The following KDM4C variants were observed in gnomAD, a reference collection of about 807,000 sequenced individuals.
KDM4C encodes lysine demethylase 4C, also known as lysine-specific demethylase 4C.
Under a neutral mutation model 129.3 loss-of-function variants are expected in KDM4C, and 81 were observed. That is an observed-to-expected ratio of 0.63 (90% confidence interval 0.52 to 0.75). The LOEUF (loss-of-function observed/expected upper bound fraction) is 0.75, where lower values mean the gene tolerates loss of function less well. Ranked by LOEUF, KDM4C falls within the 30% of genes least tolerant of loss-of-function variation. The probability of loss-of-function intolerance (pLI) is 0.00; values close to 1 mark genes in which losing one functional copy is unlikely to be tolerated. For synonymous variants in KDM4C, 573 were observed against 456.1 expected (o/e 1.26, Z -3.26); for missense variants, 1,457 against 1,304.0 (o/e 1.12, Z -1.81).
chr9:6,866,085 A>C (rs1310725077), intron 5 of KDM4C, among the ~76,000 whole-genome samples: 1 of 151,018 alleles, frequency 6.6e-6, no homozygotes, highest in East Asian at 2.0e-4. Context: ...GGGTTTCACC[A>C]TGTTGAACAG....
At position 7,060,337 on chromosome 9, in the gene KDM4C, A is replaced by G. The variant is rs192313421; in HGVS notation, c.2424+11137A>G. On this transcript the variant is annotated intron_variant, in intron 17 of 21. Coordinates refer to ENST00000381309, the MANE Select transcript of KDM4C (RefSeq NM_015061.6). The stretch of plus-strand genomic sequence containing the variant: ...GTTTATTGATTTCTAACTGCTTCCT[A>G]TGAATTTAATTTGAAACTGTTAACT... Among the ~76,000 whole-genome samples the G allele has an allele frequency of 2.6e-3, 387 of 151,556 alleles. 3 individuals carry two copies. In the South Asian group the frequency reaches 0.031, roughly 12 times the overall value.
At chr9:7,073,506 C>T (rs3898792) in intron 17 of KDM4C, among the ~76,000 whole-genome samples, 119,799 of 152,232 alleles carry the variant, frequency 0.79, 47,551 homozygotes, top group African/African-American at 0.88. Flanking sequence ...GGTAGCTTCC[C>T]GATATTCTCA....
rs1817286465 is a variant in KDM4C at position 6,984,247 on chromosome 9, G to A, written c.1197G>A (p.Glu399=). The A allele has an allele frequency of 1.2e-6, 2 of 1,613,888 alleles. No homozygotes were observed. The highest frequency in any genetic ancestry group is 1.3e-5 in the African/African-American group (1 of 74,930). The change falls in exon 10 of 22, where the codon GAG becomes GAA. Residue 399 remains glutamate, a synonymous_variant. Transcript: ENST00000381309. Reference sequence around the variant, plus strand: ...TGTCAGATGAAGTCGATGGGGCAGAGGTCCCTAACCCCGACTCAGTCACAG... The same window carrying A: ...TGTCAGATGAAGTCGATGGGGCAGAAGTCCCTAACCCCGACTCAGTCACAG... The part of the protein sequence containing the change: ...EEVSDEVDGA[E]VPNPDSVTDD...
intron 18 of KDM4C, among the ~76,000 whole-genome samples, chr9:7,124,282 A>C (rs1839806919): frequency 6.6e-6 from 1 of 152,208 alleles, no homozygotes; most frequent in Non-Finnish European, 1.5e-5. Context: ...CTAATATCAT[A>C]ATAAAATACA....
intron 8 of KDM4C, among the ~76,000 whole-genome samples, chr9:6,928,008 T>A (rs967051825): frequency 1.3e-5 from 2 of 152,226 alleles, no homozygotes; most frequent in African/African-American, 2.4e-5. Context: ...CCCACACCTT[T>A]ACACTGTTGG....
intron 8 of KDM4C, among the ~76,000 whole-genome samples, chr9:6,947,154 C>G (rs909955628): frequency 6.6e-6 from 1 of 152,162 alleles, no homozygotes; most frequent in Non-Finnish European, 1.5e-5. Flanking sequence ...TTTACATTCA[C>G]TTGCGCCAAA....
chr9:6,829,015 A>C (rs187188916), intron 4 of KDM4C, among the ~76,000 whole-genome samples: 11 of 152,340 alleles, frequency 7.2e-5, no homozygotes, highest in African/African-American at 2.6e-4. Context: ...TAAATCAACA[A>C]ATATGTGTGG....
intron 8 of KDM4C, among the ~76,000 whole-genome samples, chr9:6,901,817 G>C (rs1817456912): frequency 6.6e-6 from 1 of 152,132 alleles, no homozygotes; most frequent in Non-Finnish European, 1.5e-5. Context: ...CCTATTATTT[G>C]GTGGGCCCTG....
At chr9:7,141,982 T>C (rs892381510) in intron 19 of KDM4C, among the ~76,000 whole-genome samples, 5 of 152,162 alleles carry the variant, frequency 3.3e-5, no homozygotes, top group Non-Finnish European at 5.9e-5. Context: ...TTTGATAAAA[T>C]AGTCATTTTG....
chr9:6,880,879 A>G (rs1467406262), intron 6 of KDM4C, among the ~76,000 whole-genome samples: 1 of 151,984 alleles, frequency 6.6e-6, no homozygotes, highest in Admixed American at 6.6e-5. Flanking sequence ...TGCCATCCTT[A>G]TCTTCTGTTT....
chr9:6,938,948 A>G (rs889680579), intron 8 of KDM4C, among the ~76,000 whole-genome samples: 5 of 152,152 alleles, frequency 3.3e-5, no homozygotes, highest in Middle Eastern at 3.4e-3. Flanking sequence ...ATTGTATTAT[A>G]TTTGTTGTTC....
At position 6,816,447 on chromosome 9, in the gene KDM4C, T is replaced by C. The variant is rs374326421; in HGVS notation, c.435+1702T>C. Among the ~76,000 whole-genome samples, 261 of 152,314 alleles carry C rather than the reference T, an allele frequency of 1.7e-3. 8 individuals carry two copies. The South Asian group carries it at 0.054, about 31-fold the overall frequency. ...GTAACTAGATCTTCTGACTTGAAGG[T>C]AATCATTTTCTTCTTTTGTTTAACA... On this transcript the variant is annotated intron_variant, in intron 4 of 21. Coordinates refer to ENST00000381309, the MANE Select transcript of KDM4C (RefSeq NM_015061.6).
intron 12 of KDM4C, among the ~76,000 whole-genome samples, chr9:6,992,427 A>T (rs1301748778): frequency 1.3e-5 from 2 of 152,246 alleles, no homozygotes; most frequent in East Asian, 3.8e-4. Context: ...CTTTTGCAAC[A>T]GTCTTTCTTT....
intron 1 of KDM4C, among the ~76,000 whole-genome samples, chr9:6,748,261 AC>A (rs746707467): frequency 9.2e-5 from 14 of 152,012 alleles, no homozygotes; most frequent in Non-Finnish European, 1.2e-4. Context: ...TAATCCCAGC[AC>A]TTTGGGAGGC....
At chr9:6,939,817 C>G (rs1825515963) in intron 8 of KDM4C, among the ~76,000 whole-genome samples, 1 of 152,158 alleles carries the variant, frequency 6.6e-6, no homozygotes, top group Admixed American at 6.5e-5. Context: ...CCTCTCTTGG[C>G]ATTTATATAT....
At chr9:7,097,871 T>C (rs535482420) in intron 17 of KDM4C, among the ~76,000 whole-genome samples, 2 of 152,266 alleles carry the variant, frequency 1.3e-5, no homozygotes, top group African/African-American at 2.4e-5. Context: ...ATTTAGTAAG[T>C]ATTGAAATGG....
At chr9:6,779,423 C>T (rs1208346765) in intron 1 of KDM4C, among the ~76,000 whole-genome samples, 2 of 150,846 alleles carry the variant, frequency 1.3e-5, no homozygotes, top group Non-Finnish European at 3.0e-5. Context: ...GCAGAAGTAG[C>T]TTGGGTCTGA....
intron 8 of KDM4C, among the ~76,000 whole-genome samples, chr9:6,932,105 G>A (rs58977474): frequency 0.25 from 38,384 of 152,046 alleles, 5,341 homozygotes; most frequent in South Asian, 0.39. Context: ...CTTGGTGTTT[G>A]GGGTGGGGCC....
chr9:7,036,640 A>G (rs565167270), intron 15 of KDM4C, among the ~76,000 whole-genome samples: 80 of 152,358 alleles, frequency 5.3e-4, no homozygotes, highest in Non-Finnish European at 8.8e-4. Context: ...TGTAAATTAG[A>G]TGAAGAAAAA....
Sources: allele counts gnomAD v4.1 joint callset (sites outside exome capture counted in the v4.1 genomes callset), GRCh38; gene constraint gnomAD v4.1.1; transcripts MANE v1.5; gene names NCBI Gene and HGNC (gene_info 2026-07-23, HGNC 2026-07-21).